SPAG17: variants seen among roughly 807,000 people sequenced by gnomAD.
SPAG17 encodes sperm associated antigen 17.
In SPAG17, 169 loss-of-function variants were observed where a neutral mutation model predicts 273.6. The ratio of observed to expected loss-of-function variants is 0.62; its 90% CI spans 0.55 to 0.70. The LOEUF is 0.70. Ranked by LOEUF, SPAG17 falls within the 30% of genes least tolerant of loss-of-function variation. The pLI is 0.00. For missense variants in SPAG17, 2,557 were observed against 2,627.8 expected, an observed-to-expected ratio of 0.97 and a Z score of 0.59; for synonymous variants, 825 against 873.2, an observed-to-expected ratio of 0.94 and a Z score of 0.97.
chr1:118,086,668 T>C lies in SPAG17; in HGVS notation c.1611+3A>G, dbSNP rs1383290309. On this transcript the variant is annotated splice_donor_region_variant and intron_variant, in intron 12 of 48. Transcript: ENST00000336338. ...TTCCTTGGGCTAACCTGATTATTAT[T>C]ACCTGTAGTGCGTACTTCTTGTGGG... The C allele has an allele frequency of 6.2e-7, 1 of 1,613,516 alleles. No homozygotes were observed. The highest frequency in any genetic ancestry group is 1.3e-5 in the African/African-American group (1 of 75,042).
chr1:117,984,587 A>G (rs1656195921), intron 41 of SPAG17, 96 bp downstream of exon 41: 1 of 776,668 alleles, frequency 1.3e-6, no homozygotes, highest in Admixed American at 2.5e-5. Context: ...GGAAAGAATT[A>G]AACAGCATCA....
chr1:118,150,882 C>T (rs961526250), intron 2 of SPAG17, among the ~76,000 whole-genome samples: 1 of 152,118 alleles, frequency 6.6e-6, no homozygotes, highest in Admixed American at 6.6e-5. Flanking sequence ...TCTCTGTAGC[C>T]TTCATTTTCC....
chr1:118,034,072 G>C (rs1648791975), intron 24 of SPAG17, among the ~76,000 whole-genome samples: 1 of 152,190 alleles, frequency 6.6e-6, no homozygotes, highest in African/African-American at 2.4e-5. Flanking sequence ...ATATAAACAA[G>C]TGAATGGCGT....
chr1:118,099,904 C>G, intron 5 of SPAG17, 104 bp from the exon 6 acceptor site: 1 of 953,162 alleles, frequency 1.0e-6, no homozygotes, highest in Non-Finnish European at 1.5e-6. Flanking sequence ...TTTATAATCC[C>G]TCTGGCTTGC....
chr1:117,996,268 C>T (rs1445960377), intron 34 of SPAG17, 102 bp downstream of exon 34: 1 of 1,384,032 alleles, frequency 7.2e-7, no homozygotes, highest in Non-Finnish European at 9.7e-7. Context: ...GAAAAGTGAG[C>T]AAAGCGGAAA....
chr1:117,954,106 A>G lies in SPAG17; in HGVS notation c.*1-57T>C, dbSNP rs200466570. On this transcript the variant is annotated intron_variant, in intron 48 of 48. Coordinates refer to ENST00000336338, the MANE Select transcript of SPAG17 (RefSeq NM_206996.4). ...TAAAGCTGCAGGGAAAGAGGTAATA[A>G]GAGAGTACAGTAAGTTACAGTATCA... is the stretch of plus-strand genomic sequence containing the variant. The G allele has an allele frequency of 2.3e-4, 365 of 1,607,950 alleles. 4 individuals are homozygous for G. Among genetic ancestry groups the G allele is most frequent in the Admixed American group, 2.0e-4 (12 of 59,194 alleles).
At chr1:118,177,784 T>C (rs1235183414) in intron 1 of SPAG17, among the ~76,000 whole-genome samples, 2 of 152,050 alleles carry the variant, frequency 1.3e-5, no homozygotes, top group East Asian at 1.9e-4. Context: ...GAGACTATTA[T>C]GAACAACTGA....
chr1:118,040,453 T>G (rs1649606232), intron 22 of SPAG17, among the ~76,000 whole-genome samples: 1 of 151,848 alleles, frequency 6.6e-6, no homozygotes, highest in South Asian at 2.1e-4. Flanking sequence ...GCAGTTACTA[T>G]TACTATTTAC....
chr1:117,980,059 T>C (rs1200030391), intron 43 of SPAG17, among the ~76,000 whole-genome samples: 2 of 152,098 alleles, frequency 1.3e-5, no homozygotes, highest in African/African-American at 2.4e-5. Flanking sequence ...ATGGGAGGGG[T>C]CTAGCTCCAT....
intron 1 of SPAG17, among the ~76,000 whole-genome samples, chr1:118,160,854 A>T (rs1269078989): frequency 2.0e-5 from 3 of 152,196 alleles, no homozygotes; most frequent in African/African-American, 7.2e-5. Context: ...TTAAAGAAAG[A>T]GGATCCAGGG....
chr1:117,970,014 C>G, intron 46 of SPAG17, 42 bp downstream of exon 46: 2 of 1,582,412 alleles, frequency 1.3e-6, no homozygotes. Flanking sequence ...TAGTCACTTG[C>G]ATGCACGCAA....
chr1:118,008,656 T>A (rs1401835384), intron 30 of SPAG17, among the ~76,000 whole-genome samples: 3 of 152,174 alleles, frequency 2.0e-5, no homozygotes, highest in Non-Finnish European at 2.9e-5. Flanking sequence ...TACATATATA[T>A]CATGAACAAT....
intron 1 of SPAG17, among the ~76,000 whole-genome samples, chr1:118,168,136 CAAG>C (rs1411944710): frequency 3.3e-5 from 5 of 152,004 alleles, no homozygotes; most frequent in Non-Finnish European, 5.9e-5. Context: ...TATAGCAATA[CAAG>C]AATGGGCTTA....
At position 117,991,316 on chromosome 1, in the gene SPAG17, T is replaced by C. The variant is rs1307218563; in HGVS notation, c.5475+99A>G. On this transcript the variant is annotated intron_variant, in intron 37 of 48. Coordinates refer to ENST00000336338, the MANE Select transcript of SPAG17 (RefSeq NM_206996.4). ...TTATGAGGAGGGAGCAAATGCTTCA[T>C]GGAAGTGGCAGAAGCAGCTATTTCT... The C allele has an allele frequency of 7.1e-5, 47 of 660,040 alleles. No individual in the cohort carries two copies. The Admixed American group carries it at 1.5e-3, about 21-fold the overall frequency. 40.9% of individuals were successfully genotyped at this position (660,040 alleles called of 1,614,324 possible). A position where few individuals can be genotyped will look rare whatever the true frequency, so the allele number is the denominator to read the frequency against.
At chr1:118,087,127 C>T in intron 10 of SPAG17, 119 bp from the exon 11 acceptor site, 4 of 1,099,056 alleles carry the variant, frequency 3.6e-6, no homozygotes, top group Non-Finnish European at 4.9e-6. Context: ...GACCCAAGTA[C>T]CACTGATGAC....
chr1:117,982,434 G>C (rs1028988726), intron 42 of SPAG17, among the ~76,000 whole-genome samples: 1 of 151,892 alleles, frequency 6.6e-6, no homozygotes, highest in African/African-American at 2.4e-5. Context: ...GTAGAGACGG[G>C]GTTTCACCGT....
At chr1:118,103,951 G>A (rs1656235917) in intron 4 of SPAG17, among the ~76,000 whole-genome samples, 1 of 151,886 alleles carries the variant, frequency 6.6e-6, no homozygotes, top group Admixed American at 6.6e-5. Flanking sequence ...AGCAGTGGAG[G>A]TGCAGAGTAG....
intron 4 of SPAG17, among the ~76,000 whole-genome samples, chr1:118,111,295 G>T (rs1405003655): frequency 6.6e-6 from 1 of 151,954 alleles, no homozygotes; most frequent in Admixed American, 6.6e-5. Context: ...CTCCTGAATT[G>T]TTGGCTTTTG....
At chr1:118,125,375 T>C (rs1374233247) in intron 3 of SPAG17, among the ~76,000 whole-genome samples, 1 of 152,184 alleles carries the variant, frequency 6.6e-6, no homozygotes, top group African/African-American at 2.4e-5. Context: ...CATTTCTTTG[T>C]GTTAGGAACA....
Sources: allele counts gnomAD v4.1 joint callset (sites outside exome capture counted in the v4.1 genomes callset), GRCh38; gene constraint gnomAD v4.1.1; transcripts MANE v1.5; gene names NCBI Gene and HGNC (gene_info 2026-07-23, HGNC 2026-07-21).